The following CDH19 variants were observed in gnomAD, a reference collection of about 807,000 sequenced individuals.
CDH19 encodes cadherin 19.
In CDH19, 67 loss-of-function variants were observed where a neutral mutation model predicts 64.2. The ratio of observed to expected loss-of-function variants is 1.04; its 90% CI spans 0.86 to 1.28. CDH19 has a LOEUF of 1.28. CDH19 is among the 50% of genes most tolerant of loss of function. CDH19 has a pLI of 0.00. For synonymous variants in CDH19, 346 were observed against 319.3 expected (o/e 1.08, Z -0.89); for missense variants, 1,030 against 929.0 (o/e 1.11, Z -1.41).
intron 1 of CDH19, among the ~76,000 whole-genome samples, chr18:66,600,581 TTTAAA>T (rs1211118648): frequency 3.3e-5 from 5 of 151,948 alleles, no homozygotes; most frequent in Non-Finnish European, 7.4e-5. Flanking sequence ...TTAAAAATAC[TTTAAA>T]TTAAATTTCA....
At chr18:66,595,745 G>A (rs1188212097) in intron 1 of CDH19, among the ~76,000 whole-genome samples, 1 of 152,058 alleles carries the variant, frequency 6.6e-6, no homozygotes, top group Non-Finnish European at 1.5e-5. Context: ...CTATAAAGAA[G>A]ACGGGGTATC....
intron 2 of CDH19, among the ~76,000 whole-genome samples, chr18:66,570,934 G>T (rs1335970844): frequency 6.6e-6 from 1 of 151,586 alleles, no homozygotes; most frequent in Non-Finnish European, 1.5e-5. Flanking sequence ...AGAGTATATG[G>T]TGTTCTGTGC....
chr18:66,591,421 T>A (rs1891140164), intron 1 of CDH19, among the ~76,000 whole-genome samples: 1 of 151,828 alleles, frequency 6.6e-6, no homozygotes, highest in African/African-American at 2.4e-5. Context: ...GAGGGCTCCT[T>A]CCAAGTCAGA....
At chr18:66,600,094 C>G (rs951987514) in intron 1 of CDH19, among the ~76,000 whole-genome samples, 7 of 151,768 alleles carry the variant, frequency 4.6e-5, no homozygotes, top group African/African-American at 1.7e-4. Flanking sequence ...AATAAACATA[C>G]TTTCTTTTAG....
intron 9 of CDH19, among the ~76,000 whole-genome samples, chr18:66,525,015 G>A (rs564041264): frequency 3.9e-5 from 6 of 152,012 alleles, no homozygotes; most frequent in African/African-American, 1.4e-4. Flanking sequence ...ATTTTCTCTT[G>A]GCTTAATCCA....
rs779077159 is a variant in CDH19 at position 66,554,454 on chromosome 18, G to T, written c.561C>A (p.Leu187=). Residue 187 remains leucine (L), a synonymous_variant, in exon 4 of 12, where the codon CTC becomes CTA. Coordinates refer to ENST00000262150, the MANE Select transcript of CDH19 (RefSeq NM_021153.4). The part of the protein sequence containing the change: ...DPSSGNNARL[L]YSLLQGQPYF... Reference sequence around the variant, plus strand: ...ATGGCTGGCCTTGAAGTAAGCTGTAGAGGAGACGAGCATTATTACCACTTG... The same window carrying T: ...ATGGCTGGCCTTGAAGTAAGCTGTATAGGAGACGAGCATTATTACCACTTG... The T allele has an allele frequency of 6.2e-6, 10 of 1,611,700 alleles. No homozygotes were observed. In the Admixed American group the frequency reaches 1.3e-4, roughly 22 times the overall value.
At chr18:66,559,267 T>C (rs1987632630) in intron 3 of CDH19, among the ~76,000 whole-genome samples, 1 of 151,968 alleles carries the variant, frequency 6.6e-6, no homozygotes, top group South Asian at 2.1e-4. Flanking sequence ...TCAACTTACA[T>C]TTGCAATAAA....
intron 5 of CDH19, among the ~76,000 whole-genome samples, chr18:66,545,410 TTCC>T (rs1987075245): frequency 8.0e-6 from 1 of 125,236 alleles, no homozygotes; most frequent in East Asian, 1.9e-4. Flanking sequence ...CCTTCCTTCC[TTCC>T]TTCTTTCCTT....
chr18:66,588,070 A>G (rs2144619343), intron 1 of CDH19, among the ~76,000 whole-genome samples: 1 of 152,290 alleles, frequency 6.6e-6, no homozygotes, highest in East Asian at 1.9e-4. Context: ...CAGAGCCACT[A>G]TCTGTGTTGA....
intron 7 of CDH19, among the ~76,000 whole-genome samples, chr18:66,543,073 C>T (rs1045014308): frequency 6.6e-6 from 1 of 152,078 alleles, no homozygotes; most frequent in Non-Finnish European, 1.5e-5. Flanking sequence ...TCACCCAGGC[C>T]GGAGTGCAGT....
intron 3 of CDH19, among the ~76,000 whole-genome samples, chr18:66,561,274 C>T (rs546929824): frequency 2.0e-4 from 31 of 152,178 alleles, no homozygotes; most frequent in Non-Finnish European, 3.5e-4. Context: ...GGGACAAATG[C>T]TTCTAGGACA....
chr18:66,588,745 T>C (rs1178817747), intron 1 of CDH19, among the ~76,000 whole-genome samples: 3 of 151,334 alleles, frequency 2.0e-5, no homozygotes, highest in African/African-American at 7.2e-5. Flanking sequence ...GGGACTAAAC[T>C]CTCCTTTATC....
intron 3 of CDH19, among the ~76,000 whole-genome samples, chr18:66,565,583 T>G (rs915079341): frequency 2.6e-5 from 4 of 151,932 alleles, no homozygotes; most frequent in Non-Finnish European, 4.4e-5. Context: ...TAATGAAGAA[T>G]TGAAGTTATA....
chr18:66,534,138 G>A (rs1011694019), intron 8 of CDH19, among the ~76,000 whole-genome samples: 1 of 151,616 alleles, frequency 6.6e-6, no homozygotes, highest in Non-Finnish European at 1.5e-5. Flanking sequence ...ATGAATAAAA[G>A]CTGCATTTAA....
intron 3 of CDH19, among the ~76,000 whole-genome samples, chr18:66,559,031 C>T (rs1021380291): frequency 4.6e-5 from 7 of 151,886 alleles, no homozygotes; most frequent in Non-Finnish European, 7.4e-5. Flanking sequence ...ATGAGAAATG[C>T]GGCTCCCATC....
chr18:66,576,878 A>G (rs549529960), intron 1 of CDH19, among the ~76,000 whole-genome samples: 1 of 151,878 alleles, frequency 6.6e-6, no homozygotes, highest in East Asian at 1.9e-4. Flanking sequence ...GTTGGAGGAT[A>G]CACGGTCAAT....
intron 7 of CDH19, among the ~76,000 whole-genome samples, chr18:66,537,229 C>T (rs976921014): frequency 2.6e-5 from 4 of 151,842 alleles, no homozygotes; most frequent in African/African-American, 9.7e-5. Context: ...CTTTCATTTT[C>T]CTGCGTCCTT....
intron 1 of CDH19, among the ~76,000 whole-genome samples, chr18:66,589,537 A>T (rs1181549772): frequency 6.6e-6 from 1 of 151,910 alleles, no homozygotes; most frequent in East Asian, 1.9e-4. Flanking sequence ...TATCATCCAA[A>T]TGTTCCTTTC....
At position 66,583,894 on chromosome 18, in the gene CDH19, A is replaced by C. The variant is rs868135711; in HGVS notation, c.-112-11578T>G. ...TTAAACATGAAACCCAAAACTATAA[A>C]AACCCTGGAAGACAATCTAGGCAAT... On this transcript the variant is annotated intron_variant, in intron 1 of 11. Transcript: ENST00000262150. 7.0e-4 allele frequency among the ~76,000 whole-genome samples: 107 copies of C among 152,224 alleles called. 1 individual carries two copies. Among genetic ancestry groups the C allele is most frequent in the Middle Eastern group, 3.4e-3 (1 of 294 alleles).
Sources: gnomAD v4.1 joint callset for allele counts (sites outside exome capture counted in the v4.1 genomes callset) on GRCh38, gnomAD v4.1.1 for gene constraint, MANE v1.5 for transcripts, NCBI Gene and HGNC (gene_info 2026-07-23, HGNC 2026-07-21) for gene names.